MEMO1: variants seen among roughly 807,000 people sequenced by gnomAD.
MEMO1 encodes mediator of cell motility 1.
Under a neutral mutation model 45.2 loss-of-function variants are expected in MEMO1, and 6 were observed. The ratio of observed to expected loss-of-function variants is 0.13; its 90% CI spans 0.07 to 0.26. The LOEUF (loss-of-function observed/expected upper bound fraction) is 0.26. Ranked by LOEUF, MEMO1 falls within the 10% of genes least tolerant of loss-of-function variation. MEMO1 has a pLI of 1.00. For synonymous variants in MEMO1, 78 were observed against 124.3 expected, an observed-to-expected ratio of 0.63 and a Z score of 2.48; for missense variants, 184 against 370.5, an observed-to-expected ratio of 0.50 and a Z score of 4.13.
At chr2:31,921,924 A>T (rs1682373929) in intron 4 of MEMO1, among the ~76,000 whole-genome samples, 1 of 152,188 alleles carries the variant, frequency 6.6e-6, no homozygotes, top group African/African-American at 2.4e-5. Flanking sequence ...CAATCTCTTT[A>T]TCTTGACATC....
At chr2:31,983,388 G>A (rs1024816575) in intron 2 of MEMO1, among the ~76,000 whole-genome samples, 4 of 152,166 alleles carry the variant, frequency 2.6e-5, no homozygotes, top group Admixed American at 2.6e-4. Context: ...TAGAAGCAGT[G>A]ATACCCAGTA....
In MEMO1 at chr2:31,993,689, G is replaced by A. The variant is rs139041116; in HGVS notation, c.61+16498C>T. On this transcript the variant is annotated intron_variant, in intron 2 of 9. Transcript: ENST00000404530. ...CCACAAAGCCAAAGAAACTCTTCTG[G>A]GGAAAGAACAATTTCTAGAACTCAG... 5.5e-3 allele frequency among the ~76,000 whole-genome samples: 844 copies of A among 152,214 alleles called. 8 individuals carry two copies. The highest frequency in any genetic ancestry group is 0.02 in the African/African-American group (813 of 41,526).
At chr2:31,903,932 G>C (rs943636126) in intron 6 of MEMO1, among the ~76,000 whole-genome samples, 3 of 152,162 alleles carry the variant, frequency 2.0e-5, no homozygotes, top group African/African-American at 4.8e-5. Context: ...ATTCCTTAAA[G>C]ACTACCTATA....
At chr2:31,972,517 C>T (rs557514453) in intron 2 of MEMO1, among the ~76,000 whole-genome samples, 4 of 152,224 alleles carry the variant, frequency 2.6e-5, no homozygotes, top group African/African-American at 9.6e-5. Flanking sequence ...TCTAGACCAG[C>T]CTGGCCAACA....
At chr2:31,983,732 C>T (rs533726853) in intron 2 of MEMO1, among the ~76,000 whole-genome samples, 1 of 152,352 alleles carries the variant, frequency 6.6e-6, no homozygotes, top group African/African-American at 2.4e-5. Flanking sequence ...CCGCGCCCGG[C>T]CCCAAATCTT....
intron 8 of MEMO1, among the ~76,000 whole-genome samples, chr2:31,880,656 A>G (rs561024974): frequency 3.2e-4 from 48 of 152,224 alleles, no homozygotes; most frequent in Non-Finnish European, 5.4e-4. Flanking sequence ...GAGACCATTT[A>G]GTCCAAGTCT....
intron 2 of MEMO1, among the ~76,000 whole-genome samples, chr2:31,946,954 T>C (rs1558524751): frequency 6.6e-6 from 1 of 152,214 alleles, no homozygotes; most frequent in Non-Finnish European, 1.5e-5. Context: ...TACAGTAACA[T>C]GCTGTATAGG....
intron 6 of MEMO1, among the ~76,000 whole-genome samples, chr2:31,900,511 T>G (rs184279864): frequency 6.6e-6 from 1 of 151,592 alleles, no homozygotes; most frequent in Non-Finnish European, 1.5e-5. Context: ...GAGGGAAACA[T>G]CACACACCGG....
At chr2:31,932,556 A>G (rs1037165624) in intron 3 of MEMO1, among the ~76,000 whole-genome samples, 1 of 151,890 alleles carries the variant, frequency 6.6e-6, no homozygotes, top group African/African-American at 2.4e-5. Context: ...CTCCTGCCTC[A>G]GCTTCCTCAG....
chr2:31,902,692 T>C lies in MEMO1; in HGVS notation c.438-10558A>G, dbSNP rs542320107. Among the ~76,000 whole-genome samples the C allele has an allele frequency of 1.4e-3, 208 of 152,266 alleles. 1 individual carries two copies. The highest frequency in any genetic ancestry group is 4.9e-3 in the African/African-American group (203 of 41,560). On this transcript the variant is annotated intron_variant, in intron 6 of 9. Transcript: ENST00000404530. ...AACCATGCTGCAGGAAATGTATCAA[T>C]CCAAGATAAAAGAGCTGAAATCCAA...
chr2:31,966,648 T>C (rs998315069), intron 2 of MEMO1, among the ~76,000 whole-genome samples: 1 of 148,716 alleles, frequency 6.7e-6, no homozygotes, highest in Non-Finnish European at 1.5e-5. Context: ...GAAAATCACT[T>C]GAACTTCCGC....
intron 2 of MEMO1, among the ~76,000 whole-genome samples, chr2:31,950,437 G>A (rs1023359822): frequency 6.7e-6 from 1 of 148,154 alleles, no homozygotes; most frequent in African/African-American, 2.5e-5. Context: ...GTATTTCTTT[G>A]GCTGGGCACA....
At chr2:31,902,880 G>A (rs796105099) in intron 6 of MEMO1, among the ~76,000 whole-genome samples, 1 of 151,766 alleles carries the variant, frequency 6.6e-6, no homozygotes, top group Non-Finnish European at 1.5e-5. Flanking sequence ...CAGAAACACT[G>A]TATTACCAAT....
intron 2 of MEMO1, among the ~76,000 whole-genome samples, chr2:31,960,655 GGCT>G (rs888201872): frequency 6.6e-6 from 1 of 151,988 alleles, no homozygotes; most frequent in Non-Finnish European, 1.5e-5. Context: ...GTGTGATCTT[GGCT>G]CACTGCAACC....
intron 4 of MEMO1, chr2:31,923,579 A>G (rs148996550): frequency 6.1e-6 from 9 of 1,480,532 alleles, no homozygotes; most frequent in Middle Eastern, 1.8e-4. Flanking sequence ...CGTGGGCTAT[A>G]GAGAATGGTA....
intron 2 of MEMO1, among the ~76,000 whole-genome samples, chr2:31,999,287 C>T (rs1318356371): frequency 6.6e-6 from 1 of 152,130 alleles, no homozygotes; most frequent in Non-Finnish European, 1.5e-5. Context: ...CTCATCACAG[C>T]AGCCAAGTAA....
chr2:31,944,723 C>CTGA (rs1666000855), intron 2 of MEMO1, among the ~76,000 whole-genome samples: 1 of 152,236 alleles, frequency 6.6e-6, no homozygotes, highest in East Asian at 1.9e-4. Flanking sequence ...CATACTAACA[C>CTGA]TGATTAATTT....
At chr2:31,970,332 G>A (rs567775473) in intron 2 of MEMO1, among the ~76,000 whole-genome samples, 14 of 152,236 alleles carry the variant, frequency 9.2e-5, no homozygotes, top group South Asian at 4.1e-4. Flanking sequence ...GTGATCTCAC[G>A]ACAATTTTAC....
intron 2 of MEMO1, among the ~76,000 whole-genome samples, chr2:31,955,812 T>A (rs1667351472): frequency 6.6e-6 from 1 of 152,158 alleles, no homozygotes; most frequent in South Asian, 2.1e-4. Context: ...TTTACCATGT[T>A]GGTCAGGCTT....
Sources: gnomAD v4.1 joint callset for allele counts (sites outside exome capture counted in the v4.1 genomes callset) on GRCh38, gnomAD v4.1.1 for gene constraint, MANE v1.5 for transcripts, NCBI Gene and HGNC (gene_info 2026-07-23, HGNC 2026-07-21) for gene names.